Variants in DGKB observed in about 807,000 individuals in gnomAD.
The protein encoded by DGKB is diacylglycerol kinase beta.
Under a neutral mutation model 114.3 loss-of-function variants are expected in DGKB, and 67 were observed. The observed-to-expected ratio is 0.59, with a 90% CI of 0.48 to 0.72. The LOEUF (loss-of-function observed/expected upper bound fraction) is 0.72, where lower values mean the gene tolerates loss of function less well. Ranked by LOEUF, DGKB falls within the 30% of genes least tolerant of loss-of-function variation. The pLI, the probability that DGKB is intolerant of heterozygous loss-of-function variation, is 0.00. For missense variants in DGKB, 907 were observed against 975.2 expected (o/e 0.93, Z 0.93); for synonymous variants, 398 against 323.1 (o/e 1.23, Z -2.49).
intron 2 of DGKB, among the ~76,000 whole-genome samples, chr7:14,821,624 G>T (rs1844946457): frequency 1.3e-5 from 2 of 152,188 alleles, no homozygotes; most frequent in South Asian, 4.1e-4. Flanking sequence ...GTTTTCAGAT[G>T]GGTTTGAAAG....
At chr7:14,816,984 T>C (rs1216105896) in intron 2 of DGKB, among the ~76,000 whole-genome samples, 2 of 152,234 alleles carry the variant, frequency 1.3e-5, no homozygotes, top group South Asian at 4.1e-4. Context: ...TTTCATAATA[T>C]GCATTAATAT....
intron 25 of DGKB, among the ~76,000 whole-genome samples, chr7:14,157,255 T>G (rs2128220230): frequency 6.6e-6 from 1 of 151,916 alleles, no homozygotes; most frequent in African/African-American, 2.4e-5. Context: ...CATTTTGAAT[T>G]CATGTGTGTA....
intron 21 of DGKB, among the ~76,000 whole-genome samples, chr7:14,462,061 C>A (rs1833161034): frequency 6.6e-6 from 1 of 152,176 alleles, no homozygotes. Context: ...AACAGCCCTT[C>A]ACGCTAAAAA....
At chr7:14,566,663 G>A (rs778888524) in intron 20 of DGKB, among the ~76,000 whole-genome samples, 22 of 152,192 alleles carry the variant, frequency 1.4e-4, no homozygotes, top group African/African-American at 2.4e-4. Flanking sequence ...GAGACTTCGA[G>A]ACATGGTGGC....
At chr7:14,578,363 C>T (rs1297724346) in intron 19 of DGKB, among the ~76,000 whole-genome samples, 2 of 152,134 alleles carry the variant, frequency 1.3e-5, no homozygotes, top group African/African-American at 4.8e-5. Flanking sequence ...GCACGAGAAC[C>T]TACAAGGCAC....
intron 4 of DGKB, among the ~76,000 whole-genome samples, chr7:14,747,678 T>C (rs1400408490): frequency 6.6e-6 from 1 of 151,922 alleles, no homozygotes; most frequent in Admixed American, 6.6e-5. Context: ...ATCATTTATA[T>C]GCATATCAAT....
intron 4 of DGKB, among the ~76,000 whole-genome samples, chr7:14,749,878 G>A (rs767988554): frequency 1.1e-4 from 16 of 152,196 alleles, no homozygotes; most frequent in Non-Finnish European, 1.9e-4. Context: ...ATCTCCACAG[G>A]GGGTTTTTAT....
intron 1 of DGKB, among the ~76,000 whole-genome samples, chr7:14,951,683 T>C (rs1786207667): frequency 4.6e-5 from 7 of 151,972 alleles, no homozygotes; most frequent in Admixed American, 3.9e-4. Context: ...TTTATCAATA[T>C]TAGCTCATCA....
chr7:14,796,272 A>C (rs921067869), intron 2 of DGKB, among the ~76,000 whole-genome samples: 1 of 152,200 alleles, frequency 6.6e-6, no homozygotes, highest in Non-Finnish European at 1.5e-5. Context: ...TATCTTTTGC[A>C]TTCTCTACTT....
intron 2 of DGKB, among the ~76,000 whole-genome samples, chr7:14,783,008 T>A (rs1839357575): frequency 6.6e-6 from 1 of 152,280 alleles, no homozygotes; most frequent in South Asian, 2.1e-4. Flanking sequence ...TATCTGGCTA[T>A]GTGAACATAT....
chr7:14,270,048 CA>C (rs397889901), intron 23 of DGKB, among the ~76,000 whole-genome samples: 9,222 of 52,826 alleles, frequency 0.17, 36 homozygotes, highest in Middle Eastern at 0.22. Context: ...GCTTTTTTTG[CA>C]AAAAAAAAAA....
chr7:14,294,091 C>A (rs910507990), intron 23 of DGKB, among the ~76,000 whole-genome samples: 1 of 152,098 alleles, frequency 6.6e-6, no homozygotes, highest in Non-Finnish European at 1.5e-5. Flanking sequence ...TTTCCAGCTT[C>A]TAGTAACCAT....
intron 23 of DGKB, among the ~76,000 whole-genome samples, chr7:14,240,508 T>C (rs1177156514): frequency 6.6e-6 from 1 of 152,104 alleles, no homozygotes; most frequent in Admixed American, 6.6e-5. Flanking sequence ...TAGTTCATAC[T>C]TCCAGATCAT....
intron 20 of DGKB, among the ~76,000 whole-genome samples, chr7:14,541,839 G>A (rs991087084): frequency 7.9e-5 from 12 of 152,144 alleles, no homozygotes; most frequent in African/African-American, 2.9e-4. Context: ...TTTTAATAGA[G>A]ATTTCAATTT....
rs1386315216 is a variant in DGKB at position 14,841,297 on chromosome 7, A to T, written c.-34T>A. The T allele has an allele frequency of 6.3e-7, 1 of 1,596,902 alleles. No individual in the cohort carries two copies. The highest frequency in any genetic ancestry group is 8.6e-7 in the Non-Finnish European group (1 of 1,166,394). ...TGAGAAGCTCTGTCACATACCAGGTAAAAGATTCTTTATTCAGGTGTTGCG... is the reference window on the plus strand; with the variant it reads ...TGAGAAGCTCTGTCACATACCAGGTTAAAGATTCTTTATTCAGGTGTTGCG... On this transcript the variant is annotated 5_prime_UTR_variant, in exon 2 of 26. Coordinates refer to ENST00000402815, the MANE Select transcript of DGKB (RefSeq NM_001350709.2).
At chr7:14,654,024 G>C (rs1231208071) in intron 13 of DGKB, among the ~76,000 whole-genome samples, 1 of 152,006 alleles carries the variant, frequency 6.6e-6, no homozygotes, top group African/African-American at 2.4e-5. Flanking sequence ...ACTACTAGCA[G>C]ACCTAGGCAG....
chr7:14,923,222 T>C (rs1172036220), intron 1 of DGKB, among the ~76,000 whole-genome samples: 1 of 152,194 alleles, frequency 6.6e-6, no homozygotes, highest in South Asian at 2.1e-4. Context: ...CTATAATATT[T>C]ATTTCTGTTT....
intron 6 of DGKB, among the ~76,000 whole-genome samples, chr7:14,702,946 G>A (rs766122798): frequency 3.3e-5 from 5 of 152,126 alleles, no homozygotes; most frequent in Non-Finnish European, 7.4e-5. Context: ...ATGTTAAAGT[G>A]TAAGAAAACA....
intron 20 of DGKB, among the ~76,000 whole-genome samples, chr7:14,515,682 C>A (rs1028514184): frequency 6.6e-6 from 1 of 152,160 alleles, no homozygotes. Flanking sequence ...ACAAACTCAA[C>A]CTTCTGTCTT....
Sources: allele counts gnomAD v4.1 joint callset (sites outside exome capture counted in the v4.1 genomes callset), GRCh38; gene constraint gnomAD v4.1.1; transcripts MANE v1.5; gene names NCBI Gene and HGNC (gene_info 2026-07-23, HGNC 2026-07-21).